Variants in GATA4 observed in about 807,000 individuals in gnomAD.
GATA4 encodes the protein GATA binding protein 4.
A neutral mutation model predicts 37.9 loss-of-function variants in GATA4; 7 were observed. The observed-to-expected ratio is 0.18, with a 90% CI of 0.11 to 0.35. The LOEUF is 0.35. Ranked by LOEUF, GATA4 falls within the 10% of genes least tolerant of loss-of-function variation. The probability of loss-of-function intolerance (pLI) is 1.00; values close to 1 mark genes in which losing one functional copy is unlikely to be tolerated. For missense variants in GATA4, 647 were observed against 653.0 expected, an observed-to-expected ratio of 0.99 and a Z score of 0.10; for synonymous variants, 372 against 292.6, an observed-to-expected ratio of 1.27 and a Z score of -2.77.
chr8:11,736,004 C>T (rs1563218029), intron 2 of GATA4, among the ~76,000 whole-genome samples: 1 of 152,166 alleles, frequency 6.6e-6, no homozygotes, highest in Admixed American at 6.5e-5. Context: ...CCTGAAGTCC[C>T]AGGCTCAAGT....
upstream of GATA4, among the ~76,000 whole-genome samples, chr8:11,702,786 C>T (rs1799727755): frequency 1.3e-5 from 2 of 152,184 alleles, no homozygotes; most frequent in Admixed American, 1.3e-4. The surrounding 1 kb of genome is among the most constrained non-coding windows in gnomAD (Gnocchi z 4.4). Flanking sequence ...GTGCGCAGGC[C>T]TTTCGCCGCT....
At chr8:11,720,197 T>C (rs1208438785) in intron 2 of GATA4, among the ~76,000 whole-genome samples, 1 of 151,714 alleles carries the variant, frequency 6.6e-6, no homozygotes, top group Non-Finnish European at 1.5e-5. Context: ...ACAGCAATGG[T>C]GAGAAGGACT....
At chr8:11,733,882 A>G (rs1801326871) in intron 2 of GATA4, among the ~76,000 whole-genome samples, 1 of 152,210 alleles carries the variant, frequency 6.6e-6, no homozygotes, top group African/African-American at 2.4e-5. Context: ...CGAAGTCACT[A>G]TGCAACTTCC....
intron 1 of GATA4, among the ~76,000 whole-genome samples, chr8:11,695,772 C>T (rs1373063673): frequency 6.6e-6 from 1 of 152,158 alleles, no homozygotes; most frequent in African/African-American, 2.4e-5. Context: ...TGACGTCACC[C>T]TTCCTGCAGC....
At chr8:11,689,065 G>A (rs138346429), upstream of GATA4, among the ~76,000 whole-genome samples, 8 of 152,222 alleles carry the variant, frequency 5.3e-5, no homozygotes, top group Non-Finnish European at 8.8e-5. Context: ...ACAAAGCAGC[G>A]GCAAATCCAA....
At chr8:11,744,844 C>A (rs1801951446) in intron 2 of GATA4, among the ~76,000 whole-genome samples, 1 of 152,156 alleles carries the variant, frequency 6.6e-6, no homozygotes, top group South Asian at 2.1e-4. Flanking sequence ...AATGGGACTT[C>A]TATGCTGGTG....
chr8:11,722,659 G>C (rs1024276379), intron 2 of GATA4, among the ~76,000 whole-genome samples: 2 of 152,174 alleles, frequency 1.3e-5, no homozygotes, highest in African/African-American at 4.8e-5. Context: ...TTTGTTGACT[G>C]CCTTCTCTTC....
intron 2 of GATA4, among the ~76,000 whole-genome samples, chr8:11,718,193 G>A (rs143310233): frequency 5.2e-4 from 79 of 152,342 alleles, no homozygotes; most frequent in African/African-American, 1.7e-3. Flanking sequence ...GAAAAGCCCC[G>A]TGGAATTGGT....
intron 2 of GATA4, 83 bp from the exon 3 acceptor site, chr8:11,748,833 C>G (rs1802154768): frequency 6.7e-7 from 1 of 1,496,512 alleles, no homozygotes; most frequent in African/African-American, 1.4e-5. Context: ...TTTCTGTGCG[C>G]TCTAGATTCT....
At chr8:11,746,480 G>T (rs17153710) in intron 2 of GATA4, among the ~76,000 whole-genome samples, 5,657 of 152,296 alleles carry the variant, frequency 0.037, 326 homozygotes, top group African/African-American at 0.12. Flanking sequence ...AGGCTAGACC[G>T]CGTGTCTTGG....
At chr8:11,696,363 A>C (rs1799509020) in intron 1 of GATA4, among the ~76,000 whole-genome samples, 1 of 151,378 alleles carries the variant, frequency 6.6e-6, no homozygotes. Flanking sequence ...TAGAAAATGG[A>C]TTTTGTCTAT....
intron 1 of GATA4, among the ~76,000 whole-genome samples, chr8:11,679,675 C>T (rs1203929531): frequency 2.0e-5 from 3 of 152,224 alleles, no homozygotes; most frequent in African/African-American, 7.2e-5. Context: ...CCCGGCGAGC[C>T]CTGAGTGGGC....
chr8:11,748,031 C>T (rs960263684), intron 2 of GATA4, among the ~76,000 whole-genome samples: 35 of 151,676 alleles, frequency 2.3e-4, no homozygotes, highest in African/African-American at 8.5e-4. Flanking sequence ...AGTTTGAGAC[C>T]AGCCTGATGA....
intron 1 of GATA4, among the ~76,000 whole-genome samples, chr8:11,678,840 T>A (rs1798862336): frequency 6.6e-6 from 1 of 152,216 alleles, no homozygotes; most frequent in Non-Finnish European, 1.5e-5. Flanking sequence ...AGAATTTGTC[T>A]CTGAAAGTGA....
At chr8:11,700,244 T>C (rs1019254567), upstream of GATA4, among the ~76,000 whole-genome samples, 16 of 152,188 alleles carry the variant, frequency 1.1e-4, no homozygotes, top group Middle Eastern at 3.2e-3. Context: ...CAGGAAGCAT[T>C]TGAGGAGGTC....
At chr8:11,726,974 T>C (rs1021684106) in intron 2 of GATA4, among the ~76,000 whole-genome samples, 2 of 152,146 alleles carry the variant, frequency 1.3e-5, no homozygotes, top group African/African-American at 4.8e-5. Context: ...GCCCACTGTT[T>C]TTCCCTCCAA....
At chr8:11,693,133 G>C (rs1799377302) in intron 1 of GATA4, 1 of 942,760 alleles carries the variant, frequency 1.1e-6, no homozygotes, top group Non-Finnish European at 1.3e-6. Flanking sequence ...TAACGATGTG[G>C]TGTTCATTTG....
rs575549926 is a variant in GATA4 at position 11,758,731 on chromosome 8, G to C, written c.*256G>C. 289 of 539,332 alleles carry C rather than the reference G, an allele frequency of 5.4e-4. No homozygotes were observed. Among genetic ancestry groups the C allele is most frequent in the Non-Finnish European group, 8.2e-4 (245 of 298,372 alleles). 33.4% of individuals were successfully genotyped at this position (539,332 alleles called of 1,614,324 possible). A position where few individuals can be genotyped will look rare whatever the true frequency, so the allele number is the denominator to read the frequency against. On this transcript the variant is annotated 3_prime_UTR_variant, in exon 7 of 7. Transcript: ENST00000532059. ...CACACTGCATCTCTCCTGTGAGTTG[G>C]AGACTTCTTTCCCAAGATGTCCTTG...
intron 4 of GATA4, among the ~76,000 whole-genome samples, chr8:11,751,643 C>T (rs58944111): frequency 0.011 from 1,709 of 152,296 alleles, 35 homozygotes; most frequent in African/African-American, 0.038. Flanking sequence ...CCACTTCCCC[C>T]AAATGGGCAA....
Sources: gnomAD v4.1 joint callset for allele counts (sites outside exome capture counted in the v4.1 genomes callset) on GRCh38, gnomAD v4.1.1 for gene constraint, Gnocchi (gnomAD v3.1) non-coding constraint, MANE v1.5 for transcripts, NCBI Gene and HGNC (gene_info 2026-07-23, HGNC 2026-07-21) for gene names.